The following HLCS variants were observed in gnomAD, a reference collection of about 807,000 sequenced individuals.
The protein encoded by HLCS is biotin--protein ligase.
In HLCS, 53 loss-of-function variants were observed where a neutral mutation model predicts 75.0. That is an observed-to-expected ratio of 0.71 (90% CI 0.57 to 0.89). HLCS has a LOEUF of 0.89. Among genes scored for constraint, HLCS ranks in the 40% least tolerant of loss-of-function variants. HLCS has a pLI of 0.00. For synonymous variants in HLCS, 431 were observed against 428.6 expected (o/e 1.01, Z -0.07); for missense variants, 966 against 1,074.0 (o/e 0.90, Z 1.41).
chr21:36,897,566 A>G (rs148697088), intron 5 of HLCS, among the ~76,000 whole-genome samples: 1 of 152,322 alleles, frequency 6.6e-6, no homozygotes, highest in Non-Finnish European at 1.5e-5. Flanking sequence ...GAAGTCACAG[A>G]ACACAAAGCA....
At chr21:36,874,758 G>A (rs905204830) in intron 6 of HLCS, among the ~76,000 whole-genome samples, 1 of 152,182 alleles carries the variant, frequency 6.6e-6, no homozygotes, top group Admixed American at 6.5e-5. Context: ...GGCCAGGAAT[G>A]GGCGGGAGCC....
chr21:36,966,419 TCGCCCGCC>T lies in HLCS; in HGVS notation c.195+17_195+24del. 1.5e-5 allele frequency: 7 copies of T among 472,352 alleles called. No individual in the cohort carries two copies. The highest frequency in any genetic ancestry group is 1.9e-5 in the Non-Finnish European group (7 of 361,102). 29.3% of individuals were successfully genotyped at this position (472,352 alleles called of 1,614,324 possible). A position where few individuals can be genotyped will look rare whatever the true frequency, so the allele number is the denominator to read the frequency against. On this transcript the variant is annotated intron_variant, in intron 1 of 10. Coordinates refer to ENST00000674895, the MANE Select transcript of HLCS (RefSeq NM_001352514.2). Reference sequence around the variant, plus strand: ...GCACTTCCGGCTCGCGGGGCCCGGGTCGCCCGCCCGCCCGACCCGCCCACCTGGCTGTC... The same window carrying T: ...GCACTTCCGGCTCGCGGGGCCCGGGTCGCCCGACCCGCCCACCTGGCTGTC...
chr21:36,801,679 T>C (rs150631305), intron 6 of HLCS, among the ~76,000 whole-genome samples: 2 of 152,232 alleles, frequency 1.3e-5, no homozygotes, highest in African/African-American at 2.4e-5. Context: ...TCCTTCCTAG[T>C]CAAGGGATGC....
intron 1 of HLCS, among the ~76,000 whole-genome samples, chr21:36,976,547 A>G (rs61210296): frequency 0.024 from 3,669 of 152,128 alleles, 151 homozygotes; most frequent in African/African-American, 0.079. Flanking sequence ...TTGCATCACT[A>G]CACTCCAGCC....
chr21:36,951,245 A>G (rs150702722), intron 2 of HLCS, among the ~76,000 whole-genome samples: 1 of 152,346 alleles, frequency 6.6e-6, no homozygotes, highest in Non-Finnish European at 1.5e-5. Context: ...TTCCCACACA[A>G]CATTCCAGCC....
chr21:36,810,987 T>G (rs1384933099), intron 6 of HLCS, among the ~76,000 whole-genome samples: 4 of 152,192 alleles, frequency 2.6e-5, no homozygotes, highest in Non-Finnish European at 5.9e-5. Flanking sequence ...AGAGACTTAA[T>G]AGTCCACAGT....
intron 6 of HLCS, among the ~76,000 whole-genome samples, chr21:36,848,271 G>GTTTT (rs59079731): frequency 7.2e-6 from 1 of 138,572 alleles, no homozygotes; most frequent in African/African-American, 2.6e-5. Flanking sequence ...CATAATTGTT[G>GTTTT]TTTTTTTTTT....
chr21:36,895,146 T>C (rs1195026764), intron 6 of HLCS, among the ~76,000 whole-genome samples: 1 of 152,160 alleles, frequency 6.6e-6, no homozygotes, highest in Admixed American at 6.5e-5. Flanking sequence ...ACACGAAATA[T>C]TCTTCAGTAT....
chr21:36,892,338 C>G (rs1026862226), intron 6 of HLCS, among the ~76,000 whole-genome samples: 2 of 152,274 alleles, frequency 1.3e-5, no homozygotes, highest in South Asian at 2.1e-4. Flanking sequence ...GAGGGCAGAA[C>G]GCGGGTTGCC....
At chr21:36,956,418 T>C (rs2067949163) in intron 2 of HLCS, among the ~76,000 whole-genome samples, 2 of 152,174 alleles carry the variant, frequency 1.3e-5, no homozygotes, top group Non-Finnish European at 2.9e-5. Context: ...TAAAATGAAA[T>C]GAAATATTTT....
At chr21:36,816,795 G>A (rs1327784850) in intron 6 of HLCS, among the ~76,000 whole-genome samples, 1 of 152,240 alleles carries the variant, frequency 6.6e-6, no homozygotes, top group South Asian at 2.1e-4. Flanking sequence ...TAGCCACCAC[G>A]AATCTAGTAA....
At chr21:36,948,723 T>C (rs1405126223) in intron 2 of HLCS, among the ~76,000 whole-genome samples, 43 of 70,922 alleles carry the variant, frequency 6.1e-4, no homozygotes, top group African/African-American at 2.8e-3. Flanking sequence ...AATGAGACCC[T>C]GTCTCAAAAA....
chr21:36,788,798 G>C (rs543989670), intron 6 of HLCS, among the ~76,000 whole-genome samples: 1 of 152,298 alleles, frequency 6.6e-6, no homozygotes, highest in South Asian at 2.1e-4. Flanking sequence ...TAGACACTGA[G>C]GTGCAGTCAC....
intron 5 of HLCS, among the ~76,000 whole-genome samples, chr21:36,926,175 T>C (rs1158889687): frequency 6.6e-6 from 1 of 152,102 alleles, no homozygotes; most frequent in Non-Finnish European, 1.5e-5. Context: ...TATATGGTCT[T>C]GGAGAAACAG....
intron 6 of HLCS, among the ~76,000 whole-genome samples, chr21:36,889,085 G>A (rs1002629208): frequency 2.0e-5 from 3 of 152,142 alleles, no homozygotes; most frequent in Non-Finnish European, 2.9e-5. Context: ...CACCTCTCCA[G>A]TGCCTAACAC....
chr21:36,791,344 T>C (rs1050514017), intron 6 of HLCS, among the ~76,000 whole-genome samples: 1 of 152,180 alleles, frequency 6.6e-6, no homozygotes, highest in African/African-American at 2.4e-5. Flanking sequence ...GAGACCGCTT[T>C]CAGCATTTGC....
chr21:36,836,335 A>T (rs1472869912), intron 6 of HLCS, among the ~76,000 whole-genome samples: 1 of 152,038 alleles, frequency 6.6e-6, no homozygotes, highest in Non-Finnish European at 1.5e-5. Context: ...ATTATACTTT[A>T]AGTTTTAGGG....
chr21:36,814,746 C>T (rs2061609914), intron 6 of HLCS, among the ~76,000 whole-genome samples: 1 of 152,192 alleles, frequency 6.6e-6, no homozygotes, highest in Non-Finnish European at 1.5e-5. Flanking sequence ...GTTAATTTAA[C>T]ATGTGGGTTC....
rs1409299992 is a variant in HLCS, at chr21:36,748,662, A to G, written c.*5584T>C. ...TTGTTTTTATTTAACCCTTTCTTCA[A>G]TACAAAAAGCCAACAAACCAAGACT... On this transcript the variant is annotated 3_prime_UTR_variant, in exon 11 of 11. Transcript: ENST00000674895. The G allele has an allele frequency of 2.0e-5, 3 of 152,496 alleles. No homozygotes were observed. Among genetic ancestry groups the G allele is most frequent in the African/African-American group, 7.2e-5 (3 of 41,454 alleles). The allele number at this position is 152,496 out of a possible 1,614,324, so 9.4% of individuals were successfully genotyped here.
Sources: gnomAD v4.1 joint callset for allele counts (sites outside exome capture counted in the v4.1 genomes callset) on GRCh38, gnomAD v4.1.1 for gene constraint, MANE v1.5 for transcripts, NCBI Gene and HGNC (gene_info 2026-07-23, HGNC 2026-07-21) for gene names.